ZNF423: variants seen among roughly 807,000 people sequenced by gnomAD.
The protein encoded by ZNF423 is Ebf-associated zinc finger protein.
ZNF423 carries 12 observed loss-of-function variants against 95.8 expected under a neutral mutation model. That is an observed-to-expected ratio of 0.13 (90% CI 0.08 to 0.20). ZNF423 has a LOEUF of 0.20. Ranked by LOEUF, ZNF423 falls within the 10% of genes least tolerant of loss-of-function variation. The pLI, the probability that ZNF423 is intolerant of heterozygous loss-of-function variation, is 1.00. For synonymous variants in ZNF423, 749 were observed against 711.9 expected, an observed-to-expected ratio of 1.05 and a Z score of -0.83; for missense variants, 1,316 against 1,737.1, an observed-to-expected ratio of 0.76 and a Z score of 4.31.
chr16:49,728,939 G>A (rs927686082), intron 3 of ZNF423, among the ~76,000 whole-genome samples: 5 of 152,096 alleles, frequency 3.3e-5, no homozygotes, highest in Non-Finnish European at 7.3e-5. Context: ...TACCATATTG[G>A]CCAGGCTGGT....
At chr16:49,823,158 T>C (rs1232822128) in intron 1 of ZNF423, among the ~76,000 whole-genome samples, 7 of 152,208 alleles carry the variant, frequency 4.6e-5, no homozygotes, top group Non-Finnish European at 1.0e-4. Context: ...AGGAGTAACC[T>C]GAGCCAGCCC....
intron 3 of ZNF423, among the ~76,000 whole-genome samples, chr16:49,712,833 C>T (rs969736533): frequency 6.6e-6 from 1 of 152,242 alleles, no homozygotes; most frequent in Non-Finnish European, 1.5e-5. Context: ...GCATCCTTGA[C>T]CTTCCTGCTT....
At chr16:49,800,483 C>A (rs538464749) in intron 1 of ZNF423, among the ~76,000 whole-genome samples, 1 of 152,314 alleles carries the variant, frequency 6.6e-6, no homozygotes, top group Admixed American at 6.5e-5. Context: ...TAAATTGGCA[C>A]AGATGCAGCT....
At chr16:49,728,903 T>C (rs2033094425) in intron 3 of ZNF423, among the ~76,000 whole-genome samples, 1 of 152,138 alleles carries the variant, frequency 6.6e-6, no homozygotes, top group Admixed American at 6.5e-5. Flanking sequence ...TGGGTAATTT[T>C]TGTATTTTTA....
At chr16:49,540,572 C>A (rs1032241189) in intron 5 of ZNF423, among the ~76,000 whole-genome samples, 1 of 152,164 alleles carries the variant, frequency 6.6e-6, no homozygotes, top group Admixed American at 6.5e-5. Flanking sequence ...TGAGCCAATG[C>A]GCCTGGCCCA....
At chr16:49,672,109 C>T (rs2030840260) in intron 3 of ZNF423, among the ~76,000 whole-genome samples, 1 of 152,214 alleles carries the variant, frequency 6.6e-6, no homozygotes, top group Non-Finnish European at 1.5e-5. Flanking sequence ...AATTTGGGAA[C>T]ACTCCAGCAG....
chr16:49,713,875 A>G (rs2032622002), intron 3 of ZNF423, among the ~76,000 whole-genome samples: 1 of 152,212 alleles, frequency 6.6e-6, no homozygotes, highest in Admixed American at 6.5e-5. Flanking sequence ...GGAATCTTCC[A>G]GTAACTCACT....
At chr16:49,563,012 TG>T (rs1352544288) in intron 5 of ZNF423, among the ~76,000 whole-genome samples, 1 of 152,162 alleles carries the variant, frequency 6.6e-6, no homozygotes, top group Non-Finnish European at 1.5e-5. Context: ...CTTGATCTCC[TG>T]ACCTCATGAT....
intron 7 of ZNF423, among the ~76,000 whole-genome samples, chr16:49,493,029 G>A (rs967737242): frequency 1.3e-5 from 2 of 152,150 alleles, no homozygotes; most frequent in Non-Finnish European, 2.9e-5. Flanking sequence ...TCGGTCGGGG[G>A]CGTCAGGGAC....
rs2035356395 is a variant in ZNF423, at chr16:49,855,577, C to T, written c.40+158G>A. Among the ~76,000 whole-genome samples, 1 of 150,690 alleles carries T rather than the reference C, an allele frequency of 6.6e-6. No homozygotes were observed. The highest frequency in any genetic ancestry group is 2.4e-5 in the African/African-American group (1 of 40,846). On this transcript the variant is annotated intron_variant, in intron 1 of 7. Coordinates refer to ENST00000563137, the MANE Select transcript of ZNF423 (RefSeq NM_001379286.1). The surrounding 1 kb of genome is among the most constrained non-coding windows in gnomAD (Gnocchi z 4.7). Reference sequence around the variant, plus strand: ...CCGGCTTCCTCCTCCCCCTCCTCCGCCTCCGCCTCCGCCTCCGCCTCCTCT... The same window carrying T: ...CCGGCTTCCTCCTCCCCCTCCTCCGTCTCCGCCTCCGCCTCCGCCTCCTCT...
intron 3 of ZNF423, among the ~76,000 whole-genome samples, chr16:49,680,726 C>T (rs778581805): frequency 6.6e-6 from 1 of 152,200 alleles, no homozygotes; most frequent in African/African-American, 2.4e-5. Context: ...GTGAAGTGGC[C>T]GGACTTCATG....
chr16:49,789,676 G>C, intron 1 of ZNF423, 130 bp from the exon 2 acceptor site: 1 of 802,352 alleles, frequency 1.2e-6, no homozygotes, highest in South Asian at 2.2e-5. Context: ...GGGGAGAGGG[G>C]GCAAAGCCTA....
At chr16:49,854,002 A>C (rs2035329406) in intron 1 of ZNF423, 1 of 985,282 alleles carries the variant, frequency 1.0e-6, no homozygotes, top group African/African-American at 1.7e-5. Flanking sequence ...TGAAGGAGTG[A>C]GCAGTGAGCC....
At chr16:49,521,442 C>G (rs982274132) in intron 7 of ZNF423, among the ~76,000 whole-genome samples, 3 of 152,180 alleles carry the variant, frequency 2.0e-5, no homozygotes, top group African/African-American at 7.2e-5. Flanking sequence ...ATGGACTGCA[C>G]TTGGGAGAGG....
In ZNF423 at chr16:49,637,079, G is replaced by T; in HGVS notation, c.2097C>A (p.His699Gln). Residue 699 changes from histidine to glutamine, a missense_variant, in exon 4 of 8, where the codon CAC becomes CAA. Around this residue, in one of 6 missense-constraint regions of ZNF423, gnomAD observed 620 missense variants for 775.6 expected, o/e 0.80. Transcript: ENST00000563137. This position sits in a 1 kb window ranked among gnomAD's most constrained non-coding sequence, Gnocchi z 5.6. ...LTVHYMTTST[H>Q]YVCESCDKQF... ...GCTTGTCGCAGCTCTCGCACACATA[G>T]TGGGTCGACGTGGTCATGTAATGCA... 6.2e-7 allele frequency: 1 copy of T among 1,613,772 alleles called. No individual in the cohort carries two copies. Among genetic ancestry groups the T allele is most frequent in the Non-Finnish European group, 8.5e-7 (1 of 1,180,030 alleles).
chr16:49,822,662 C>G lies in ZNF423; in HGVS notation c.40+33073G>C, dbSNP rs781136140. 1.7e-5 allele frequency: 27 copies of G among 1,609,774 alleles called. No homozygotes were observed. Among genetic ancestry groups the G allele is most frequent in the East Asian group, 2.2e-5 (1 of 44,482 alleles). ...CCCACCCCTCAGCCCAAGGCCTCCC[C>G]TGCTCACCCCTCTTCTTATGCATCC... On this transcript the variant is annotated intron_variant, in intron 1 of 7. Coordinates refer to ENST00000563137, the MANE Select transcript of ZNF423 (RefSeq NM_001379286.1).
At chr16:49,810,931 G>A (rs1032339642) in intron 1 of ZNF423, among the ~76,000 whole-genome samples, 6 of 152,138 alleles carry the variant, frequency 3.9e-5, no homozygotes, top group Admixed American at 3.3e-4. Context: ...ACGGGCCCAC[G>A]AGGATGTGGC....
At position 49,603,502 on chromosome 16, in the gene ZNF423, C is replaced by T. The variant is rs887669344; in HGVS notation, c.3601+22668G>A. ...TCAGCTTGCTGCGACCTCCGCCTCC[C>T]GGGTTCAAGTGATTCTCCTGCCTCA... is the stretch of plus-strand genomic sequence containing the variant. On this transcript the variant is annotated intron_variant, in intron 5 of 7. Transcript: ENST00000563137. This position sits in a 1 kb window ranked among gnomAD's most constrained non-coding sequence, Gnocchi z 4.1. 2.0e-5 allele frequency among the ~76,000 whole-genome samples: 3 copies of T among 152,112 alleles called. No homozygotes were observed. The highest frequency in any genetic ancestry group is 4.4e-5 in the Non-Finnish European group (3 of 68,034).
chr16:49,751,507 C>T (rs1358683475), intron 2 of ZNF423, among the ~76,000 whole-genome samples: 1 of 152,146 alleles, frequency 6.6e-6, no homozygotes, highest in African/African-American at 2.4e-5. Flanking sequence ...CATGAGCCAC[C>T]GTGCCCAGCC....
Sources: gnomAD v4.1 joint callset for allele counts (sites outside exome capture counted in the v4.1 genomes callset) on GRCh38, gnomAD v4.1.1 for gene constraint, gnomAD v4.1.1 regional missense constraint, Gnocchi (gnomAD v3.1) non-coding constraint, MANE v1.5 for transcripts, NCBI Gene and HGNC (gene_info 2026-07-23, HGNC 2026-07-21) for gene names.